Variants in LRTM2 observed in about 807,000 individuals in gnomAD.
LRTM2 encodes the protein leucine rich repeat transmembrane protein 2.
LRTM2 carries 18 observed loss-of-function variants against 28.1 expected under a neutral mutation model. The observed-to-expected ratio is 0.64, with a 90% confidence interval of 0.44 to 0.95. The LOEUF (loss-of-function observed/expected upper bound fraction) is 0.95. LRTM2 is among the 40% of genes least tolerant of loss of function. LRTM2 has a pLI of 0.00. For missense variants in LRTM2, 436 were observed against 497.2 expected (o/e 0.88, Z 1.17); for synonymous variants, 250 against 218.7 (o/e 1.14, Z -1.26).
chr12:1,834,960 T>A lies in LRTM2; in HGVS notation c.*239T>A. 1.4e-6 allele frequency: 1 copy of A among 693,964 alleles called. No individual in the cohort carries two copies. The highest frequency in any genetic ancestry group is 2.3e-6 in the Non-Finnish European group (1 of 438,952). 43.0% of individuals were successfully genotyped at this position (693,964 alleles called of 1,614,324 possible). Reference sequence around the variant, plus strand: ...TGGGCCAGTAAATCTTTGGAACATGTGGGGGATCTCCCTAAGCTCTGGCCA... The same window carrying A: ...TGGGCCAGTAAATCTTTGGAACATGAGGGGGATCTCCCTAAGCTCTGGCCA... On this transcript the variant is annotated 3_prime_UTR_variant, in exon 5 of 5. Transcript: ENST00000299194. This position sits in a 1 kb window ranked among gnomAD's most constrained non-coding sequence, Gnocchi z 7.6.
chr12:1,826,805 TG>T (rs1864350381), intron 1 of LRTM2, among the ~76,000 whole-genome samples: 1 of 152,116 alleles, frequency 6.6e-6, no homozygotes, highest in South Asian at 2.1e-4. Context: ...GGGGAGAAGA[TG>T]GGGGCAACAG....
chr12:1,821,184 A>G (rs1864086152), intron 1 of LRTM2, among the ~76,000 whole-genome samples: 1 of 152,182 alleles, frequency 6.6e-6, no homozygotes, highest in Non-Finnish European at 1.5e-5. Flanking sequence ...CTGCACAGAC[A>G]GCCCCAAGAA....
intron 1 of LRTM2, among the ~76,000 whole-genome samples, chr12:1,826,448 G>A (rs1212472441): frequency 8.6e-6 from 1 of 116,838 alleles, no homozygotes; most frequent in Admixed American, 1.3e-4. Flanking sequence ...ACTGGAGCCT[G>A]GCCTTGAGAC....
intron 1 of LRTM2, among the ~76,000 whole-genome samples, chr12:1,821,923 A>T (rs1864120189): frequency 6.7e-6 from 1 of 149,106 alleles, no homozygotes; most frequent in Admixed American, 6.7e-5. Flanking sequence ...CTCAGATGAC[A>T]CCCCTGCAGC....
At chr12:1,830,910 T>C (rs1864593003) in intron 3 of LRTM2, 25 bp from the exon 4 acceptor site, 9 of 1,566,536 alleles carry the variant, frequency 5.7e-6, no homozygotes, top group Non-Finnish European at 7.0e-6. Context: ...TTGCTTTCTT[T>C]CCCCCGTCTG....
In LRTM2 at chr12:1,831,367, G is replaced by A. The variant is rs767229402; in HGVS notation, c.500G>A (p.Arg167His). Residue 167 changes from arginine (R) to histidine (H), a missense_variant, in exon 4 of 5, where the codon CGC becomes CAC. Coordinates refer to ENST00000299194, the MANE Select transcript of LRTM2 (RefSeq NM_001039029.3). ...PGLFDGLLAL[R>H]SLSLRSNRLQ... ...CTTTTCGACGGGCTCCTGGCTCTGC[G>A]CTCCCTCTCGCTTCGCTCCAACCGT... is the stretch of plus-strand genomic sequence containing the variant. 1.5e-5 allele frequency: 25 copies of A among 1,613,720 alleles called. No homozygotes were observed. Among genetic ancestry groups the A allele is most frequent in the Non-Finnish European group, 1.9e-5 (22 of 1,180,034 alleles).
intron 1 of LRTM2, among the ~76,000 whole-genome samples, chr12:1,823,880 T>C (rs1445972862): frequency 6.6e-6 from 1 of 152,194 alleles, no homozygotes; most frequent in Non-Finnish European, 1.5e-5. Context: ...CTTCCTTTCC[T>C]ACCTCTGCCT....
Position 1,831,057 on chromosome 12 carries a change from C to T in LRTM2, c.190C>T (p.Pro64Ser). 1 of 1,614,076 alleles carries T rather than the reference C, an allele frequency of 6.2e-7. No homozygotes were observed. The highest frequency in any genetic ancestry group is 1.1e-5 in the South Asian group (1 of 91,084). ...TGGCCTTGGCCTCACCACGGTGCCC[C>T]CAGACGTGCCCGCAGCCACCCGAAC... ...CSGLGLTTVP[P>S]DVPAATRTLL... The change falls in exon 4 of 5, where the codon CCA (proline) becomes TCA (serine). Residue 64 changes from proline to serine, a missense_variant. Transcript: ENST00000299194.
At chr12:1,830,272 C>T (rs1183954891) in intron 3 of LRTM2, among the ~76,000 whole-genome samples, 1 of 152,252 alleles carries the variant, frequency 6.6e-6, no homozygotes, top group East Asian at 1.9e-4. Flanking sequence ...GGTGCACAGC[C>T]TGGGCTCTAA....
In LRTM2 at chr12:1,834,838, C is replaced by A; in HGVS notation, c.*117C>A. On this transcript the variant is annotated 3_prime_UTR_variant, in exon 5 of 5. Transcript: ENST00000299194. This position sits in a 1 kb window ranked among gnomAD's most constrained non-coding sequence, Gnocchi z 7.6. ...TGCCTCCCCGAGTCCACCCTCCTCC[C>A]CGCCCTCCAGCAGACAAGCCACACC... 2.1e-6 allele frequency: 3 copies of A among 1,433,586 alleles called. No individual in the cohort carries two copies. Among genetic ancestry groups the A allele is most frequent in the Non-Finnish European group, 2.7e-6 (3 of 1,096,670 alleles). 88.8% of individuals were successfully genotyped at this position (1,433,586 alleles called of 1,614,324 possible).
At position 1,826,480 on chromosome 12, in the gene LRTM2, G is replaced by T. The variant is rs959688465; in HGVS notation, c.-258-930G>T. Among the ~76,000 whole-genome samples the T allele has an allele frequency of 1.7e-4, 22 of 127,638 alleles. 1 individual carries two copies. Among genetic ancestry groups the T allele is most frequent in the African/African-American group, 5.1e-4 (18 of 35,300 alleles). 83.7% of individuals were successfully genotyped at this position (127,638 alleles called of 152,430 possible). ...AGACAGTGGTTAGAGAACCATGACA[G>T]CACCACGCTCAGGGGCTCCTCCACC... On this transcript the variant is annotated intron_variant, in intron 1 of 4. Transcript: ENST00000299194.
intron 1 of LRTM2, among the ~76,000 whole-genome samples, chr12:1,823,430 T>C (rs1389059504): frequency 6.6e-6 from 1 of 152,134 alleles, no homozygotes; most frequent in Non-Finnish European, 1.5e-5. Context: ...GGCTGTTCCG[T>C]GCTCTGAGGG....
At position 1,831,052 on chromosome 12, in the gene LRTM2, T is replaced by C; in HGVS notation, c.185T>C (p.Val62Ala). The C allele has an allele frequency of 1.9e-6, 3 of 1,614,080 alleles. No individual in the cohort carries two copies. Among genetic ancestry groups the C allele is most frequent in the Non-Finnish European group, 2.5e-6 (3 of 1,180,030 alleles). The change falls in exon 4 of 5, where the codon GTG becomes GCG. Residue 62 changes from valine (V) to alanine (A), a missense_variant. Val to Ala is a moderately conservative substitution (Grantham distance 64). Transcript: ENST00000299194. Reference sequence around the variant, plus strand: ...TGCAGTGGCCTTGGCCTCACCACGGTGCCCCCAGACGTGCCCGCAGCCACC... The same window carrying C: ...TGCAGTGGCCTTGGCCTCACCACGGCGCCCCCAGACGTGCCCGCAGCCACC... ...VDCSGLGLTT[V>A]PPDVPAATRT...
chr12:1,830,243 C>G (rs1288786621), intron 3 of LRTM2, among the ~76,000 whole-genome samples: 1 of 152,268 alleles, frequency 6.6e-6, no homozygotes, highest in Non-Finnish European at 1.5e-5. Context: ...TAGCCTGTCA[C>G]TCCCACAGTG....
In LRTM2 at chr12:1,829,285, G is replaced by A. The variant is rs562582261; in HGVS notation, c.67+1070G>A. Among the ~76,000 whole-genome samples, 17 of 152,196 alleles carry A rather than the reference G, an allele frequency of 1.1e-4. No homozygotes were observed. The highest frequency in any genetic ancestry group is 3.9e-4 in the East Asian group (2 of 5,178). ...ATCCTTTTGAGAGGGAGCTGAATGCGTTGGATTTTATTTCCTGGGGAAAGT... is the reference window on the plus strand; with the variant it reads ...ATCCTTTTGAGAGGGAGCTGAATGCATTGGATTTTATTTCCTGGGGAAAGT... On this transcript the variant is annotated intron_variant, in intron 3 of 4. Transcript: ENST00000299194. The surrounding 1 kb of genome is among the most constrained non-coding windows in gnomAD (Gnocchi z 4.2).
At position 1,820,824 on chromosome 12, in the gene LRTM2, G is replaced by A. The variant is rs945245866; in HGVS notation, c.-259+10G>A. ...GTCAGAGTAAAGACGGGTGAGTACC[G>A]AGTGGCTGGTAGGAAGGAATGGAGG... On this transcript the variant is annotated intron_variant, in intron 1 of 4. Transcript: ENST00000299194. This position sits in a 1 kb window ranked among gnomAD's most constrained non-coding sequence, Gnocchi z 6.0. 2 of 152,356 alleles carry A rather than the reference G, an allele frequency of 1.3e-5. No individual in the cohort carries two copies. The highest frequency in any genetic ancestry group is 2.4e-5 in the African/African-American group (1 of 41,458). The allele number at this position is 152,356 out of a possible 1,614,324, so 9.4% of individuals were successfully genotyped here.
chr12:1,821,789 C>T (rs1295879619), intron 1 of LRTM2, among the ~76,000 whole-genome samples: 2 of 152,278 alleles, frequency 1.3e-5, no homozygotes, highest in East Asian at 3.9e-4. Flanking sequence ...CCTGCACCTC[C>T]CTGCAGGTCT....
At chr12:1,827,023 C>G (rs965040360) in intron 1 of LRTM2, among the ~76,000 whole-genome samples, 1 of 152,364 alleles carries the variant, frequency 6.6e-6, no homozygotes, top group African/African-American at 2.4e-5. Flanking sequence ...AGGGACAAAT[C>G]TGGCAACCAA....
chr12:1,828,343 G>T lies in LRTM2; in HGVS notation c.67+128G>T. On this transcript the variant is annotated intron_variant, in intron 3 of 4. Transcript: ENST00000299194. This position sits in a 1 kb window ranked among gnomAD's most constrained non-coding sequence, Gnocchi z 4.2. ...GGAGGCCTACGCCAGATCTTCCTGGGGTACCCGAGGCTATGTTCTGGGAAG... is the reference window on the plus strand; with the variant it reads ...GGAGGCCTACGCCAGATCTTCCTGGTGTACCCGAGGCTATGTTCTGGGAAG... 1 of 823,270 alleles carries T rather than the reference G, an allele frequency of 1.2e-6. No homozygotes were observed. The highest frequency in any genetic ancestry group is 1.8e-6 in the Non-Finnish European group (1 of 557,498). The allele number at this position is 823,270 out of a possible 1,614,324, so 51.0% of individuals were successfully genotyped here. A position where few individuals can be genotyped will look rare whatever the true frequency, so the allele number is the denominator to read the frequency against.
Sources: gnomAD v4.1 joint callset for allele counts (sites outside exome capture counted in the v4.1 genomes callset) on GRCh38, gnomAD v4.1.1 for gene constraint, Gnocchi (gnomAD v3.1) non-coding constraint, MANE v1.5 for transcripts, NCBI Gene and HGNC (gene_info 2026-07-23, HGNC 2026-07-21) for gene names.